Variants in TTC29 observed in about 807,000 individuals in gnomAD.
TTC29 encodes tetratricopeptide repeat protein 29.
Under a neutral mutation model 58.1 loss-of-function variants are expected in TTC29, and 49 were observed. The ratio of observed to expected loss-of-function variants is 0.84; its 90% CI spans 0.67 to 1.07. The LOEUF (loss-of-function observed/expected upper bound fraction) is 1.07, where lower values mean the gene tolerates loss of function less well. TTC29 is among the 50% of genes least tolerant of loss of function. The pLI is 0.00. For missense variants in TTC29, 582 were observed against 555.6 expected, an observed-to-expected ratio of 1.05 and a Z score of -0.48; for synonymous variants, 209 against 196.8, an observed-to-expected ratio of 1.06 and a Z score of -0.52.
intron 4 of TTC29, among the ~76,000 whole-genome samples, chr4:146,932,098 C>T (rs190819214): frequency 2.0e-5 from 3 of 152,174 alleles, no homozygotes; most frequent in African/African-American, 4.8e-5. Flanking sequence ...GATCTGATCT[C>T]GAAGACAATG....
intron 2 of TTC29, among the ~76,000 whole-genome samples, chr4:146,941,691 T>C (rs1736409233): frequency 6.6e-6 from 1 of 152,196 alleles, no homozygotes; most frequent in Non-Finnish European, 1.5e-5. Context: ...ATGGTTACTC[T>C]AAAAACTGGC....
chr4:146,846,560 A>C (rs1324840938), intron 8 of TTC29, among the ~76,000 whole-genome samples: 2 of 152,186 alleles, frequency 1.3e-5, no homozygotes, highest in Non-Finnish European at 2.9e-5. Context: ...AAGTCTCTCA[A>C]CTTCTCCCCA....
At chr4:146,936,450 G>A (rs1735827394) in intron 4 of TTC29, among the ~76,000 whole-genome samples, 1 of 152,058 alleles carries the variant, frequency 6.6e-6, no homozygotes, top group Non-Finnish European at 1.5e-5. Flanking sequence ...TTTCTTTTAA[G>A]AAGTAGTTGT....
At chr4:146,799,910 T>TA (rs536866209) in intron 11 of TTC29, among the ~76,000 whole-genome samples, 130 of 152,272 alleles carry the variant, frequency 8.5e-4, no homozygotes, top group African/African-American at 3.1e-3. Flanking sequence ...GCCTTTCATT[T>TA]AAAAAAATTC....
rs536182007 is a variant in TTC29, at chr4:146,791,126, TAG to T, written c.1330+12329_1330+12330del. On this transcript the variant is annotated intron_variant, in intron 11 of 12. Coordinates refer to ENST00000325106, the MANE Select transcript of TTC29 (RefSeq NM_031956.4). ...GTTGAGAATTCTCAATTTGTGAATA[TAG>T]ATTGTTCCATTTATAAGTATTTCAA... Among the ~76,000 whole-genome samples, 385 of 152,336 alleles carry T rather than the reference TAG, an allele frequency of 2.5e-3. 2 individuals carry two copies. Among genetic ancestry groups the T allele is most frequent in the African/African-American group, 8.9e-3 (370 of 41,582 alleles).
intron 11 of TTC29, among the ~76,000 whole-genome samples, chr4:146,764,358 G>T (rs571391494): frequency 2.6e-5 from 4 of 152,096 alleles, no homozygotes; most frequent in African/African-American, 7.2e-5. Flanking sequence ...CTACTCGAGA[G>T]AGATGCAGCC....
At chr4:146,811,078 T>G (rs954960947) in intron 10 of TTC29, among the ~76,000 whole-genome samples, 1 of 152,192 alleles carries the variant, frequency 6.6e-6, no homozygotes, top group South Asian at 2.1e-4. Flanking sequence ...AATGATCATT[T>G]AAATATCTCT....
chr4:146,726,485 C>T (rs1164310032), intron 11 of TTC29, among the ~76,000 whole-genome samples: 1 of 152,106 alleles, frequency 6.6e-6, no homozygotes, highest in Non-Finnish European at 1.5e-5. Context: ...TACCTACCTT[C>T]ACATCTCCTA....
intron 6 of TTC29, among the ~76,000 whole-genome samples, chr4:146,882,962 G>A (rs1254174903): frequency 1.3e-5 from 2 of 151,970 alleles, no homozygotes; most frequent in African/African-American, 2.4e-5. Flanking sequence ...CTGTGTGTGT[G>A]CACATGTGTG....
chr4:146,798,157 G>A (rs1410142908), intron 11 of TTC29, among the ~76,000 whole-genome samples: 1 of 151,908 alleles, frequency 6.6e-6, no homozygotes, highest in Non-Finnish European at 1.5e-5. Flanking sequence ...ATAGGATATA[G>A]GAGTGGCATC....
chr4:146,752,351 G>A (rs1357706984), intron 11 of TTC29, among the ~76,000 whole-genome samples: 11 of 45,838 alleles, frequency 2.4e-4, no homozygotes, highest in African/African-American at 8.5e-4. Flanking sequence ...CAAGGGATGT[G>A]AAGGACCTCT....
At chr4:146,875,258 T>A (rs1731182516) in intron 6 of TTC29, among the ~76,000 whole-genome samples, 1 of 152,216 alleles carries the variant, frequency 6.6e-6, no homozygotes, top group Non-Finnish European at 1.5e-5. Context: ...ACATTATGTA[T>A]GCCATGCACT....
intron 11 of TTC29, among the ~76,000 whole-genome samples, chr4:146,742,952 G>C (rs188961769): frequency 2.0e-5 from 3 of 151,962 alleles, no homozygotes; most frequent in South Asian, 4.2e-4. Flanking sequence ...AACAGAAAAC[G>C]CAATGGAAAG....
intron 11 of TTC29, among the ~76,000 whole-genome samples, chr4:146,793,625 A>G (rs1394841254): frequency 6.6e-6 from 1 of 152,136 alleles, no homozygotes; most frequent in Admixed American, 6.6e-5. Context: ...TCTCCAAGGT[A>G]TGCCTCTATT....
chr4:146,887,465 T>C (rs183027234), intron 6 of TTC29, among the ~76,000 whole-genome samples: 1 of 152,182 alleles, frequency 6.6e-6, no homozygotes, highest in African/African-American at 2.4e-5. Flanking sequence ...TAGAGTATGA[T>C]AGGGAGAGGG....
At chr4:146,813,746 G>A (rs532368931) in intron 10 of TTC29, among the ~76,000 whole-genome samples, 114 of 152,326 alleles carry the variant, frequency 7.5e-4, no homozygotes, top group African/African-American at 2.7e-3. Context: ...CACTTTGGGA[G>A]GCCGAGGAGG....
At chr4:146,751,193 T>C (rs957084121) in intron 11 of TTC29, among the ~76,000 whole-genome samples, 2 of 152,168 alleles carry the variant, frequency 1.3e-5, no homozygotes, top group Non-Finnish European at 2.9e-5. Flanking sequence ...GCACCCAACA[T>C]TGGAGCACCT....
chr4:146,883,777 G>A lies in TTC29; in HGVS notation c.587-8849C>T, dbSNP rs10007445. Among the ~76,000 whole-genome samples the A allele has an allele frequency of 3.0e-3, 461 of 151,934 alleles. 2 individuals carry two copies. The highest frequency in any genetic ancestry group is 0.01 in the African/African-American group (430 of 41,448). Reference sequence around the variant, plus strand: ...ATGAGGCTTCCTCTCCGTGCTACTCGTTAAGCAGTAAATAATTAAAACACC... The same window carrying A: ...ATGAGGCTTCCTCTCCGTGCTACTCATTAAGCAGTAAATAATTAAAACACC... On this transcript the variant is annotated intron_variant, in intron 6 of 12. Transcript: ENST00000325106.
At chr4:146,754,685 A>G (rs570424650) in intron 11 of TTC29, among the ~76,000 whole-genome samples, 1 of 152,306 alleles carries the variant, frequency 6.6e-6, no homozygotes, top group South Asian at 2.1e-4. Context: ...GATTATCTCA[A>G]TTGACATGGA....
Sources: gnomAD v4.1 joint callset for allele counts (sites outside exome capture counted in the v4.1 genomes callset) on GRCh38, gnomAD v4.1.1 for gene constraint, MANE v1.5 for transcripts, NCBI Gene and HGNC (gene_info 2026-07-23, HGNC 2026-07-21) for gene names.